The following SYNE2 variants were observed in gnomAD, a reference collection of about 807,000 sequenced individuals.
SYNE2 encodes the protein spectrin repeat containing nuclear envelope protein 2, also known as nesprin-2.
Under a neutral mutation model 856.3 loss-of-function variants are expected in SYNE2, and 431 were observed. That is an observed-to-expected ratio of 0.50 (90% CI 0.47 to 0.55). The LOEUF (loss-of-function observed/expected upper bound fraction) is 0.55, where lower values mean the gene tolerates loss of function less well. Ranked by LOEUF, SYNE2 falls within the 20% of genes least tolerant of loss-of-function variation. The pLI is 0.00. For synonymous variants in SYNE2, 2,923 were observed against 2,872.3 expected, an observed-to-expected ratio of 1.02 and a Z score of -0.56; for missense variants, 8,129 against 8,023.2, an observed-to-expected ratio of 1.01 and a Z score of -0.50.
intron 45 of SYNE2, among the ~76,000 whole-genome samples, chr14:64,042,336 C>T (rs1370483980): frequency 6.6e-6 from 1 of 152,160 alleles, no homozygotes; most frequent in Non-Finnish European, 1.5e-5. Context: ...GACTTTAGAA[C>T]AGTGGTTCTG....
chr14:64,080,337 ATGT>A (rs747549220), intron 55 of SYNE2, 116 bp from the exon 56 acceptor site: 7 of 1,019,668 alleles, frequency 6.9e-6, no homozygotes, highest in African/African-American at 1.6e-5. Flanking sequence ...TGTTCATGTG[ATGT>A]TGTTTCTGTG....
intron 32 of SYNE2, among the ~76,000 whole-genome samples, chr14:64,013,256 A>G (rs1209076826): frequency 6.6e-6 from 1 of 152,216 alleles, no homozygotes; most frequent in African/African-American, 2.4e-5. Context: ...GAAGTATATC[A>G]ATTAAATGAA....
intron 52 of SYNE2, among the ~76,000 whole-genome samples, chr14:64,072,025 ATGT>A (rs2097413915): frequency 6.6e-6 from 1 of 152,246 alleles, no homozygotes. Context: ...AAAATAAAAA[ATGT>A]AACTAGCTGT....
intron 45 of SYNE2, among the ~76,000 whole-genome samples, chr14:64,032,326 GC>G (rs1489952179): frequency 6.6e-6 from 1 of 152,076 alleles, no homozygotes; most frequent in Non-Finnish European, 1.5e-5. Flanking sequence ...TGTAATCCTA[GC>G]ACTTTGAGAG....
At chr14:64,124,968 A>G in intron 70 of SYNE2, 111 bp from the exon 71 acceptor site, 1 of 1,365,416 alleles carries the variant, frequency 7.3e-7, no homozygotes, top group South Asian at 1.3e-5. Context: ...ATGCCACTGC[A>G]CTCCAGCCTG....
At chr14:64,207,391 A>G (rs1344907655) in intron 100 of SYNE2, among the ~76,000 whole-genome samples, 3 of 152,130 alleles carry the variant, frequency 2.0e-5, no homozygotes. Flanking sequence ...CCTGGACAAC[A>G]TGGTAAAACC....
chr14:64,215,325 T>A lies in SYNE2; in HGVS notation c.19373T>A (p.Met6458Lys). 1 of 1,614,198 alleles carries A rather than the reference T, an allele frequency of 6.2e-7. No homozygotes were observed. Residue 6458 changes from methionine (M) to lysine (K), a missense_variant, in exon 107 of 116, where the codon ATG becomes AAG. Around this residue, in one of 3 missense-constraint regions of SYNE2, gnomAD observed 5,410 missense variants for 5,284.8 expected, o/e 1.02. Coordinates refer to ENST00000555002, the MANE Select transcript of SYNE2 (RefSeq NM_182914.3). The stretch of plus-strand genomic sequence containing the variant: ...GAAAATCCTGAGGCATATCTTAAAA[T>A]GACCACAAAAACTTTGAAAGCGTCT... Reference protein sequence around the residue: ...IPENPEAYLKMTTKTLKASSG... With the variant: ...IPENPEAYLKKTTKTLKASSG...
At chr14:63,963,512 C>T (rs899631870) in intron 9 of SYNE2, among the ~76,000 whole-genome samples, 2 of 152,072 alleles carry the variant, frequency 1.3e-5, no homozygotes, top group African/African-American at 4.8e-5. Context: ...TTTAGGCTCT[C>T]GAAAGTGTTT....
intron 67 of SYNE2, 30 bp downstream of exon 67, chr14:64,119,639 C>CT: frequency 6.2e-7 from 1 of 1,610,470 alleles, no homozygotes; most frequent in Non-Finnish European, 8.5e-7. Flanking sequence ...GGACATTCAT[C>CT]TTGATACACA....
rs543718684 is a variant in SYNE2, at chr14:64,197,844, T to C, written c.18039-4957T>C. On this transcript the variant is annotated intron_variant, in intron 99 of 115. Coordinates refer to ENST00000555002, the MANE Select transcript of SYNE2 (RefSeq NM_182914.3). ...AGGAGAGCAGTGTTCATCAATGTTA[T>C]ATTCTCATCCATTGCTAGTTAAAAG... is the stretch of plus-strand genomic sequence containing the variant. 6.6e-5 allele frequency among the ~76,000 whole-genome samples: 10 copies of C among 152,386 alleles called. No homozygotes were observed. The South Asian group carries it at 1.4e-3, about 22-fold the overall frequency.
Position 64,025,241 on chromosome 14 carries a change from A to T in SYNE2, c.6072A>T (p.Thr2024=). The T allele has an allele frequency of 6.2e-7, 1 of 1,614,152 alleles. No homozygotes were observed. The highest frequency in any genetic ancestry group is 8.5e-7 in the Non-Finnish European group (1 of 1,180,002). The change falls in exon 41 of 116, where the codon ACA becomes ACT. Residue 2024 remains threonine (T), a synonymous_variant. Transcript: ENST00000555002. ...CATGTTTGATGGATAGATACCAGAC[A>T]TTACTGAGACAACTAAGTGAAATCG... ...EATCLMDRYQ[T]LLRQLSEIEE... is the part of the protein sequence containing the mutation.
chr14:63,989,179 T>C (rs1233552225), intron 19 of SYNE2, among the ~76,000 whole-genome samples: 2 of 152,206 alleles, frequency 1.3e-5, no homozygotes, highest in Non-Finnish European at 2.9e-5. Context: ...CTTTGAATTG[T>C]GATCCATTTT....
chr14:63,959,287 C>CTTTTTTTTTTTT (rs34198434), intron 8 of SYNE2, among the ~76,000 whole-genome samples: 14 of 81,382 alleles, frequency 1.7e-4, no homozygotes, highest in East Asian at 3.6e-4. Flanking sequence ...TTTTCTTCTT[C>CTTTTTTTTTTTT]TTTTTTTTTT....
Position 64,056,262 on chromosome 14 carries a change from G to A in SYNE2, c.10063G>A (p.Glu3355Lys), listed in dbSNP as rs1335051936. 1 of 1,613,484 alleles carries A rather than the reference G, an allele frequency of 6.2e-7. No homozygotes were observed. The highest frequency in any genetic ancestry group is 8.5e-7 in the Non-Finnish European group (1 of 1,179,616). ...EAFKAQETEA[E>K]RYLENYKCYR... ...TTTCAAAGCACAGGAAACTGAGGCA[G>A]AAAGGTAGGTCCTCTTCCAAAGGTA... Residue 3355 changes from glutamate to lysine, a missense_variant, in exon 49 of 116, where the codon GAA (glutamate) becomes AAA (lysine). Physicochemically the swap from Glu to Lys is moderately conservative, Grantham distance 56. This residue lies in a region of SYNE2 where 5,410 missense variants were observed against 5,284.8 expected (regional missense o/e 1.02). Transcript: ENST00000555002.
chr14:64,134,766 C>T (rs118078865), intron 78 of SYNE2, among the ~76,000 whole-genome samples: 159 of 150,616 alleles, frequency 1.1e-3, no homozygotes, highest in Non-Finnish European at 2.0e-3. Context: ...TGCCTGGGCT[C>T]AGGAGTTTGA....
chr14:63,859,671 C>T (rs576978628), intron 1 of SYNE2, among the ~76,000 whole-genome samples: 1 of 152,162 alleles, frequency 6.6e-6, no homozygotes, highest in South Asian at 2.1e-4. Context: ...ACAAAATTAG[C>T]TGGGTGTGGT....
At chr14:63,803,038 G>A (rs1282769224) in intron 1 of SYNE2, among the ~76,000 whole-genome samples, 2 of 152,200 alleles carry the variant, frequency 1.3e-5, no homozygotes, top group East Asian at 3.9e-4. Flanking sequence ...TAATGGCTCA[G>A]GCAGCCTGCT....
intron 1 of SYNE2, among the ~76,000 whole-genome samples, chr14:63,868,064 A>G (rs1189301112): frequency 6.6e-6 from 1 of 152,126 alleles, no homozygotes; most frequent in Non-Finnish European, 1.5e-5. Flanking sequence ...GAAAAAAAAG[A>G]AAAAGAAGCT....
At chr14:64,216,007 A>T (rs922787539) in intron 107 of SYNE2, 1 of 1,437,984 alleles carries the variant, frequency 7.0e-7, no homozygotes, top group East Asian at 2.6e-5. Flanking sequence ...CCAAAACGCC[A>T]CTCATCCCAC....
Sources: gnomAD v4.1 joint callset for allele counts (sites outside exome capture counted in the v4.1 genomes callset) on GRCh38, gnomAD v4.1.1 for gene constraint, gnomAD v4.1.1 regional missense constraint, MANE v1.5 for transcripts, NCBI Gene and HGNC (gene_info 2026-07-23, HGNC 2026-07-21) for gene names.